The following WDFY3 variants were observed in gnomAD, a reference collection of about 807,000 sequenced individuals.
WDFY3 encodes the protein WD repeat and FYVE domain-containing protein 3.
Under a neutral mutation model 409.6 loss-of-function variants are expected in WDFY3, and 66 were observed. That is an observed-to-expected ratio of 0.16 (90% CI 0.13 to 0.20). The LOEUF (loss-of-function observed/expected upper bound fraction) is 0.20, where lower values mean the gene tolerates loss of function less well. WDFY3 is among the 10% of genes least tolerant of loss of function. The pLI is 1.00. For synonymous variants in WDFY3, 1,521 were observed against 1,537.1 expected, an observed-to-expected ratio of 0.99 and a Z score of 0.25; for missense variants, 3,031 against 4,298.1, an observed-to-expected ratio of 0.71 and a Z score of 8.24.
chr4:84,794,928 G>T lies in WDFY3; in HGVS notation c.3219C>A (p.Thr1073=). Residue 1073 remains threonine (T), a synonymous_variant, in exon 20 of 68, where the codon ACC becomes ACA. Transcript: ENST00000295888. ...CCCCATCAATAAGACCTGTTGTGAC[G>T]GTATTATTTGTAGGAGCATTATGAG... is the stretch of plus-strand genomic sequence containing the variant. The part of the protein sequence containing the change: ...LAPHNAPTNN[T]VTTGLIDGAV... 6.3e-7 allele frequency: 1 copy of T among 1,576,642 alleles called. No homozygotes were observed. Among genetic ancestry groups the T allele is most frequent in the Non-Finnish European group, 8.6e-7 (1 of 1,165,558 alleles).
chr4:84,962,371 C>T (rs1306970494), intron 1 of WDFY3, among the ~76,000 whole-genome samples: 2 of 151,862 alleles, frequency 1.3e-5, no homozygotes, highest in Admixed American at 6.6e-5. Context: ...TCAAGCATTA[C>T]GCTAAGTGCA....
At chr4:84,789,664 CACACA>C in intron 22 of WDFY3, 57 bp downstream of exon 22, 2 of 1,513,784 alleles carry the variant, frequency 1.3e-6, no homozygotes, top group Non-Finnish European at 1.8e-6. Flanking sequence ...CACACACACA[CACACA>C]CCCCCCAAAC....
At chr4:84,783,408 G>C (rs1356446554) in intron 24 of WDFY3, among the ~76,000 whole-genome samples, 1 of 152,140 alleles carries the variant, frequency 6.6e-6, no homozygotes, top group African/African-American at 2.4e-5. Flanking sequence ...GAGCCTAGGA[G>C]GTCGAGAATG....
intron 56 of WDFY3, 69 bp downstream of exon 56, chr4:84,702,284 A>G (rs1050916373): frequency 1.4e-6 from 2 of 1,460,472 alleles, no homozygotes; most frequent in African/African-American, 1.4e-5. Context: ...CAATCTTCAG[A>G]GAAGTGACTT....
chr4:84,871,274 G>C (rs1386116466), intron 3 of WDFY3, among the ~76,000 whole-genome samples: 2 of 152,012 alleles, frequency 1.3e-5, no homozygotes, highest in African/African-American at 4.8e-5. Flanking sequence ...AAAGGAACAA[G>C]GATAAAAATT....
rs751796028 is a variant in WDFY3, at chr4:84,691,700, G to T, written c.9135C>A (p.Thr3045=). The change falls in exon 60 of 68, where the codon ACC becomes ACA. Residue 3045 remains threonine, a synonymous_variant. Transcript: ENST00000295888. The part of the protein sequence containing the change: ...VEQNKVLIPP[T]WNKTFAWGYA... Reference sequence around the variant, plus strand: ...AGCCCCAAGCAAAAGTTTTATTCCAGGTTGGTGGGATAAGAACCTTATTCT... The same window carrying T: ...AGCCCCAAGCAAAAGTTTTATTCCATGTTGGTGGGATAAGAACCTTATTCT... 6.2e-6 allele frequency: 10 copies of T among 1,613,984 alleles called. No individual in the cohort carries two copies. The highest frequency in any genetic ancestry group is 2.2e-5 in the East Asian group (1 of 44,880).
intron 3 of WDFY3, among the ~76,000 whole-genome samples, chr4:84,888,308 G>A (rs1375566752): frequency 1.3e-5 from 2 of 152,296 alleles, no homozygotes; most frequent in East Asian, 3.9e-4. Flanking sequence ...GGAAGGCCAA[G>A]GCGAGAGGAC....
At chr4:84,847,835 G>T (rs1013150574) in intron 5 of WDFY3, among the ~76,000 whole-genome samples, 6 of 108,280 alleles carry the variant, frequency 5.5e-5, no homozygotes, top group African/African-American at 2.1e-4. Context: ...AGAAAGGTAA[G>T]AAGAAAATGC....
rs113262263 is a variant in WDFY3, at chr4:84,807,091, T to G, written c.2429+1243A>C. 4.2e-3 allele frequency among the ~76,000 whole-genome samples: 644 copies of G among 152,280 alleles called. 2 individuals carry two copies. The highest frequency in any genetic ancestry group is 0.013 in the African/African-American group (560 of 41,562). On this transcript the variant is annotated intron_variant, in intron 15 of 67. Coordinates refer to ENST00000295888, the MANE Select transcript of WDFY3 (RefSeq NM_014991.6). ...AATTTAAACTACTAATTGAAATTAT[T>G]TCTCTAATATTCAACAATTCCTTGG...
chr4:84,780,713 G>A (rs575517876), intron 25 of WDFY3, among the ~76,000 whole-genome samples: 3 of 152,084 alleles, frequency 2.0e-5, no homozygotes, highest in East Asian at 1.9e-4. Flanking sequence ...GCAGTGAGCC[G>A]AGATCGCGCC....
chr4:84,775,220 T>C (rs1578460997), intron 27 of WDFY3, 82 bp from the exon 28 acceptor site: 1 of 1,103,308 alleles, frequency 9.1e-7, no homozygotes, highest in Non-Finnish European at 1.3e-6. Context: ...ATACAGCACA[T>C]GGAACTTATT....
chr4:84,883,465 A>G (rs1405267480), intron 3 of WDFY3, among the ~76,000 whole-genome samples: 4 of 152,202 alleles, frequency 2.6e-5, no homozygotes, highest in African/African-American at 9.6e-5. Context: ...AAGGAAAGCA[A>G]TGTCATAAAA....
At chr4:84,680,666 T>C (rs1485556525) in intron 64 of WDFY3, among the ~76,000 whole-genome samples, 1 of 152,216 alleles carries the variant, frequency 6.6e-6, no homozygotes, top group Non-Finnish European at 1.5e-5. Flanking sequence ...TGGAAAATAT[T>C]TGGGGAAATA....
chr4:84,861,622 T>C (rs937948729), intron 3 of WDFY3, among the ~76,000 whole-genome samples: 146 of 152,112 alleles, frequency 9.6e-4, no homozygotes, highest in Middle Eastern at 6.8e-3. Flanking sequence ...AGAAGTGAAA[T>C]AGAATAGAAA....
intron 1 of WDFY3, among the ~76,000 whole-genome samples, chr4:84,940,475 G>A (rs1771964617): frequency 6.6e-6 from 1 of 151,928 alleles, no homozygotes; most frequent in South Asian, 2.1e-4. Context: ...TTTAAAAAAA[G>A]GTTTACTTTG....
At chr4:84,722,202 A>C (rs1430081077) in intron 46 of WDFY3, among the ~76,000 whole-genome samples, 1 of 152,182 alleles carries the variant, frequency 6.6e-6, no homozygotes, top group Non-Finnish European at 1.5e-5. Flanking sequence ...AGCCTGGGCA[A>C]CATGGCAAAA....
At chr4:84,863,682 TATTA>T (rs1760979085) in intron 3 of WDFY3, among the ~76,000 whole-genome samples, 1 of 152,168 alleles carries the variant, frequency 6.6e-6, no homozygotes. Flanking sequence ...TCAGGTATTA[TATTA>T]AAGTCTTTAT....
chr4:84,819,514 T>C (rs573984890), intron 12 of WDFY3, among the ~76,000 whole-genome samples: 1 of 152,214 alleles, frequency 6.6e-6, no homozygotes, highest in South Asian at 2.1e-4. Context: ...TTAATTAAAA[T>C]CTCAAGTAAT....
chr4:84,694,756 C>T (rs1729820225), intron 58 of WDFY3, among the ~76,000 whole-genome samples: 4 of 152,046 alleles, frequency 2.6e-5, no homozygotes, highest in Non-Finnish European at 5.9e-5. Context: ...CATAGTGAGA[C>T]TCTATCTCTA....
Sources: allele counts gnomAD v4.1 joint callset (sites outside exome capture counted in the v4.1 genomes callset), GRCh38; gene constraint gnomAD v4.1.1; transcripts MANE v1.5; gene names NCBI Gene and HGNC (gene_info 2026-07-23, HGNC 2026-07-21).